The following FGF14 variants were observed in gnomAD, a reference collection of about 807,000 sequenced individuals.
The protein encoded by FGF14 is fibroblast growth factor 14, also known as fibroblast growth factor homologous factor 4.
FGF14 carries 5 observed loss-of-function variants against 25.5 expected under a neutral mutation model. That is an observed-to-expected ratio of 0.20 (90% confidence interval 0.10 to 0.41). The LOEUF is 0.41. FGF14 is among the 10% of genes least tolerant of loss of function. The pLI is 1.00. For synonymous variants in FGF14, 138 were observed against 118.3 expected, an observed-to-expected ratio of 1.17 and a Z score of -1.08; for missense variants, 222 against 320.1, an observed-to-expected ratio of 0.69 and a Z score of 2.34.
In FGF14 at chr13:102,106,507, G is replaced by A. The variant is rs377742937; in HGVS notation, c.209-231211C>T. On this transcript the variant is annotated intron_variant, in intron 1 of 4. Transcript: ENST00000376131. ...GAGAATTGCTTGAACCCAGGGAGGC[G>A]GAGGTTGCAGTGAGCCAAGATCGCA... Among the ~76,000 whole-genome samples, 25 of 148,594 alleles carry A rather than the reference G, an allele frequency of 1.7e-4. No individual in the cohort carries two copies. In the East Asian group the frequency reaches 4.6e-3, roughly 27 times the overall value.
intron 1 of FGF14, among the ~76,000 whole-genome samples, chr13:102,317,864 A>G (rs1026091222): frequency 6.6e-6 from 1 of 152,116 alleles, no homozygotes; most frequent in African/African-American, 2.4e-5. Context: ...CCATGTGGAA[A>G]CCTTTGCTTG....
chr13:101,942,042 G>A (rs2035488435), intron 1 of FGF14, among the ~76,000 whole-genome samples: 1 of 152,182 alleles, frequency 6.6e-6, no homozygotes. Context: ...CAAATTGATT[G>A]CTGATCAATC....
intron 1 of FGF14, among the ~76,000 whole-genome samples, chr13:102,318,653 G>A (rs2056127027): frequency 6.6e-6 from 1 of 152,202 alleles, no homozygotes; most frequent in South Asian, 2.1e-4. Context: ...TTTGTGTAAG[G>A]ACACAGTCAT....
chr13:101,900,741 A>G (rs1163783808), intron 1 of FGF14, among the ~76,000 whole-genome samples: 5 of 152,174 alleles, frequency 3.3e-5, no homozygotes, highest in Non-Finnish European at 5.9e-5. Flanking sequence ...CTTGATCCGC[A>G]TGGTCTTCAC....
At chr13:101,723,142 G>T in intron 4 of FGF14, 175 bp from the exon 5 acceptor site, 1 of 730,722 alleles carries the variant, frequency 1.4e-6, no homozygotes, top group Non-Finnish European at 2.4e-6. Flanking sequence ...AGCCCACAGA[G>T]GACATTACTC....
intron 1 of FGF14, among the ~76,000 whole-genome samples, chr13:102,385,987 GA>G (rs1428570146): frequency 1.3e-5 from 2 of 151,998 alleles, no homozygotes; most frequent in Admixed American, 1.3e-4. Context: ...TGTTTTACCC[GA>G]ACGTCACTTT....
Position 102,037,723 on chromosome 13 carries a change from A to C in FGF14, c.209-162427T>G, listed in dbSNP as rs541150234. On this transcript the variant is annotated intron_variant, in intron 1 of 4. Coordinates refer to the FGF14 transcript ENST00000376131. The stretch of plus-strand genomic sequence containing the variant: ...GTCTTGTTTCAAAATGACTATATAA[A>C]CATTTATTAAAGAAAATCAGTTGCA... Among the ~76,000 whole-genome samples, 11 of 152,286 alleles carry C rather than the reference A, an allele frequency of 7.2e-5. No homozygotes were observed. The East Asian group carries it at 2.1e-3, about 29-fold the overall frequency.
At position 101,916,471 on chromosome 13, in the gene FGF14, G is replaced by T. The variant is rs770377611; in HGVS notation, c.175C>A (p.Arg59Ser). 1 of 1,613,926 alleles carries T rather than the reference G, an allele frequency of 6.2e-7. No homozygotes were observed. The highest frequency in any genetic ancestry group is 8.5e-7 in the Non-Finnish European group (1 of 1,179,922). ...CACAGACCTTGGCGCCGCAACCTGC[G>T]CTTCTTGAGGCCGAAGATGCGCACT... is the stretch of plus-strand genomic sequence containing the variant. The part of the protein sequence containing the change: ...SKVRIFGLKK[R>S]RLRRQDPQLK... The change falls in exon 1 of 5, where the codon CGC becomes AGC. Residue 59 changes from arginine (R) to serine (S), a missense_variant. By Grantham distance (110) the Arg-to-Ser change is moderately radical. Transcript: ENST00000376143.
chr13:102,046,710 C>T (rs1346182617), intron 1 of FGF14, among the ~76,000 whole-genome samples: 1 of 152,134 alleles, frequency 6.6e-6, no homozygotes, highest in African/African-American at 2.4e-5. Flanking sequence ...ATCACATCTT[C>T]AGAAAATTGT....
intron 1 of FGF14, among the ~76,000 whole-genome samples, chr13:101,890,833 G>A (rs996208031): frequency 2.0e-5 from 3 of 152,140 alleles, no homozygotes; most frequent in Non-Finnish European, 4.4e-5. Context: ...TGGGGGTGGA[G>A]GAGGAAAGAA....
At chr13:102,331,051 T>A (rs2056619371) in intron 1 of FGF14, among the ~76,000 whole-genome samples, 1 of 152,222 alleles carries the variant, frequency 6.6e-6, no homozygotes, top group South Asian at 2.1e-4. Flanking sequence ...CTTGGACGTG[T>A]CATTGAACCT....
intron 3 of FGF14, among the ~76,000 whole-genome samples, chr13:101,860,312 C>T (rs1353634219): frequency 1.3e-5 from 2 of 152,000 alleles, no homozygotes; most frequent in Admixed American, 6.6e-5. Context: ...AGAGGAGTGA[C>T]CACAACCAGA....
At chr13:101,917,992 C>G (rs916938644), upstream of FGF14, among the ~76,000 whole-genome samples, 9 of 152,132 alleles carry the variant, frequency 5.9e-5, no homozygotes, top group Non-Finnish European at 1.3e-4. Context: ...AGACAGGACA[C>G]TCCAATTTGA....
chr13:102,240,000 G>C (rs1163057810), intron 1 of FGF14, among the ~76,000 whole-genome samples: 3 of 152,098 alleles, frequency 2.0e-5, no homozygotes, highest in African/African-American at 7.2e-5. Flanking sequence ...TTGGGGAAAG[G>C]CTCTCTTTAA....
At chr13:101,777,957 T>TC (rs1243910678) in intron 3 of FGF14, among the ~76,000 whole-genome samples, 1 of 152,012 alleles carries the variant, frequency 6.6e-6, no homozygotes, top group Non-Finnish European at 1.5e-5. Context: ...AGAGCAAGAC[T>TC]CCATCTCAAA....
At chr13:102,285,386 C>T (rs981577857) in intron 1 of FGF14, among the ~76,000 whole-genome samples, 1 of 152,160 alleles carries the variant, frequency 6.6e-6, no homozygotes, top group Non-Finnish European at 1.5e-5. Context: ...GAATGGTTTA[C>T]ATCCGTGAAT....
intron 1 of FGF14, among the ~76,000 whole-genome samples, chr13:102,031,350 A>C (rs926859406): frequency 1.7e-4 from 26 of 152,172 alleles, no homozygotes; most frequent in African/African-American, 5.5e-4. Context: ...TATTCCTCAC[A>C]ACGCGTTAGG....
intron 1 of FGF14, among the ~76,000 whole-genome samples, chr13:102,081,789 A>G (rs982838317): frequency 6.6e-6 from 1 of 152,204 alleles, no homozygotes; most frequent in Non-Finnish European, 1.5e-5. Context: ...AAATGCGCCA[A>G]AACTTTTAGG....
intron 1 of FGF14, among the ~76,000 whole-genome samples, chr13:102,175,017 T>C (rs474199): frequency 0.18 from 28,078 of 152,078 alleles, 4,582 homozygotes; most frequent in East Asian, 0.7. Context: ...TGTTAAAATG[T>C]CCATACTGCC....
Sources: allele counts gnomAD v4.1 joint callset (sites outside exome capture counted in the v4.1 genomes callset), GRCh38; gene constraint gnomAD v4.1.1; transcripts MANE v1.5; gene names NCBI Gene and HGNC (gene_info 2026-07-23, HGNC 2026-07-21).